Variants in OR56A1 observed in about 807,000 individuals in gnomAD.
The protein encoded by OR56A1 is olfactory receptor family 56 subfamily A member 1.
For missense variants in OR56A1, 360 were observed against 380.9 expected (o/e 0.94, Z 0.46); for synonymous variants, 174 against 159.1 (o/e 1.09, Z -0.70).
rs1848390808 is a variant in OR56A1 at position 6,021,055 on chromosome 11, A to T, written c.*5693T>A. Reference sequence around the variant, plus strand: ...GTCTGACAGCCTTAAAATAAACATCATTAAGTAGAAAAAGAGTGGCATGGA... The same window carrying T: ...GTCTGACAGCCTTAAAATAAACATCTTTAAGTAGAAAAAGAGTGGCATGGA... On this transcript the variant is annotated 3_prime_UTR_variant, in exon 2 of 2. Transcript: ENST00000641900. 1 of 152,126 alleles carries T rather than the reference A, an allele frequency of 6.6e-6. No individual in the cohort carries two copies. The highest frequency in any genetic ancestry group is 1.5e-5 in the Non-Finnish European group (1 of 67,968). 9.4% of individuals were successfully genotyped at this position (152,126 alleles called of 1,614,324 possible).
In OR56A1 at chr11:6,026,536, T is replaced by C. The variant is rs1047131901; in HGVS notation, c.*212A>G. On this transcript the variant is annotated 3_prime_UTR_variant, in exon 2 of 2. Transcript: ENST00000641900. ...AATTACTTAAATGTAACTGCCAAGG[T>C]TCAAAGCAGCCACTCAATAAATACG... The C allele has an allele frequency of 9.7e-6, 5 of 513,698 alleles. No individual in the cohort carries two copies. The highest frequency in any genetic ancestry group is 9.5e-5 in the African/African-American group (5 of 52,424). The allele number at this position is 513,698 out of a possible 1,614,324, so 31.8% of individuals were successfully genotyped here.
In OR56A1 at chr11:6,026,677, T is replaced by G; in HGVS notation, c.*71A>C. 1.1e-6 allele frequency: 1 copy of G among 940,022 alleles called. No individual in the cohort carries two copies. The highest frequency in any genetic ancestry group is 1.6e-5 in the South Asian group (1 of 63,524). The allele number at this position is 940,022 out of a possible 1,614,324, so 58.2% of individuals were successfully genotyped here. On this transcript the variant is annotated 3_prime_UTR_variant, in exon 2 of 2. Coordinates refer to ENST00000641900, the MANE Select transcript of OR56A1 (RefSeq NM_001388488.1). ...GCAATAAACACTCACTAACTGACAT[T>G]TCTCTACTTCGCTGCCTAGGTAAAA...
At chr11:6,030,482 G>A (rs1490995249) in intron 1 of OR56A1, among the ~76,000 whole-genome samples, 1 of 151,950 alleles carries the variant, frequency 6.6e-6, no homozygotes, top group African/African-American at 2.4e-5. Context: ...AAGGAAGGAA[G>A]GAAAAGGAAG....
At chr11:6,028,140 AT>A (rs1848475836) in intron 1 of OR56A1, among the ~76,000 whole-genome samples, 1 of 152,092 alleles carries the variant, frequency 6.6e-6, no homozygotes, top group Non-Finnish European at 1.5e-5. Flanking sequence ...TGAGATGGAT[AT>A]TTTTGTTACA....
At chr11:6,033,852 T>C (rs1170199257), upstream of OR56A1, among the ~76,000 whole-genome samples, 1 of 152,232 alleles carries the variant, frequency 6.6e-6, no homozygotes, top group East Asian at 1.9e-4. Context: ...AAACTGCTCT[T>C]CTGAGACAGA....
Position 6,027,735 on chromosome 11 carries a change from A to G in OR56A1, c.-34-9T>C. On this transcript the variant is annotated splice_polypyrimidine_tract_variant and intron_variant, in intron 1 of 1. Coordinates refer to ENST00000641900, the MANE Select transcript of OR56A1 (RefSeq NM_001388488.1). ...GAGTAGGCTTCTGATGACTATGTTTATGGGCAGATACAAGAGGTTATTTTT... is the reference window on the plus strand; with the variant it reads ...GAGTAGGCTTCTGATGACTATGTTTGTGGGCAGATACAAGAGGTTATTTTT... The G allele has an allele frequency of 7.0e-7, 1 of 1,424,280 alleles. No homozygotes were observed. Among genetic ancestry groups the G allele is most frequent in the South Asian group, 1.4e-5 (1 of 73,348 alleles). The allele number at this position is 1,424,280 out of a possible 1,614,324, so 88.2% of individuals were successfully genotyped here.
Position 6,019,635 on chromosome 11 carries a change from C to T in OR56A1, c.*7113G>A, listed in dbSNP as rs1187036888. The stretch of plus-strand genomic sequence containing the variant: ...AGATCTTATGAGATTCATTCACTAT[C>T]ATGAGAATTATGGGTGCAGGAAAGA... On this transcript the variant is annotated 3_prime_UTR_variant, in exon 2 of 2. Coordinates refer to ENST00000641900, the MANE Select transcript of OR56A1 (RefSeq NM_001388488.1). 2 of 152,026 alleles carry T rather than the reference C, an allele frequency of 1.3e-5. No individual in the cohort carries two copies. Among genetic ancestry groups the T allele is most frequent in the African/African-American group, 2.4e-5 (1 of 41,392 alleles). The allele number at this position is 152,026 out of a possible 1,614,324, so 9.4% of individuals were successfully genotyped here. A position where few individuals can be genotyped will look rare whatever the true frequency, so the allele number is the denominator to read the frequency against.
In OR56A1 at chr11:6,026,084, C is replaced by A. The variant is rs1442503475; in HGVS notation, c.*664G>T. The A allele has an allele frequency of 6.6e-6, 1 of 152,236 alleles. No individual in the cohort carries two copies. The highest frequency in any genetic ancestry group is 2.1e-4 in the South Asian group (1 of 4,836). The allele number at this position is 152,236 out of a possible 1,614,324, so 9.4% of individuals were successfully genotyped here. A position where few individuals can be genotyped will look rare whatever the true frequency, so the allele number is the denominator to read the frequency against. ...CTGTTTCCTACTCTCTTAGGGTCCC[C>A]TCTACCTGTCTGCATCCATCCTCAC... On this transcript the variant is annotated 3_prime_UTR_variant, in exon 2 of 2. Transcript: ENST00000641900.
At position 6,026,527 on chromosome 11, in the gene OR56A1, C is replaced by A. The variant is rs1360314146; in HGVS notation, c.*221G>T. The A allele has an allele frequency of 6.1e-6, 3 of 494,618 alleles. No individual in the cohort carries two copies. Among genetic ancestry groups the A allele is most frequent in the Non-Finnish European group, 1.1e-5 (3 of 282,466 alleles). 30.6% of individuals were successfully genotyped at this position (494,618 alleles called of 1,614,324 possible). ...TGAAGATTAAATTACTTAAATGTAA[C>A]TGCCAAGGTTCAAAGCAGCCACTCA... On this transcript the variant is annotated 3_prime_UTR_variant, in exon 2 of 2. Transcript: ENST00000641900.
chr11:6,026,152 A>T lies in OR56A1; in HGVS notation c.*596T>A, dbSNP rs1848445219. Reference sequence around the variant, plus strand: ...AGGTGATGAGGCTGTATAGGATAGAATAGAAAGCTGACATTGCTTTATATT... The same window carrying T: ...AGGTGATGAGGCTGTATAGGATAGATTAGAAAGCTGACATTGCTTTATATT... On this transcript the variant is annotated 3_prime_UTR_variant, in exon 2 of 2. Coordinates refer to ENST00000641900, the MANE Select transcript of OR56A1 (RefSeq NM_001388488.1). The T allele has an allele frequency of 1.3e-5, 2 of 153,024 alleles. No homozygotes were observed. Among genetic ancestry groups the T allele is most frequent in the South Asian group, 4.1e-4 (2 of 4,854 alleles). 9.5% of individuals were successfully genotyped at this position (153,024 alleles called of 1,614,324 possible).
At chr11:6,029,217 A>T (rs900811243) in intron 1 of OR56A1, among the ~76,000 whole-genome samples, 29 of 152,288 alleles carry the variant, frequency 1.9e-4, no homozygotes, top group African/African-American at 6.7e-4. Flanking sequence ...ATACCCTAAA[A>T]GCCCTGACTT....
rs538238013 is a variant in OR56A1 at position 6,022,801 on chromosome 11, C to T, written c.*3947G>A. The T allele has an allele frequency of 1.3e-5, 2 of 152,176 alleles. No homozygotes were observed. The highest frequency in any genetic ancestry group is 2.1e-4 in the South Asian group (1 of 4,820). 9.4% of individuals were successfully genotyped at this position (152,176 alleles called of 1,614,324 possible). A position where few individuals can be genotyped will look rare whatever the true frequency, so the allele number is the denominator to read the frequency against. ...CTGTATGTTCAGAGTGCTAATCACA[C>T]GTAAAGAACTCAATAACTAATTTTT... is the stretch of plus-strand genomic sequence containing the variant. On this transcript the variant is annotated 3_prime_UTR_variant, in exon 2 of 2. Transcript: ENST00000641900.
At chr11:6,031,848 T>A (rs917625727), upstream of OR56A1, among the ~76,000 whole-genome samples, 2 of 152,014 alleles carry the variant, frequency 1.3e-5, no homozygotes, top group African/African-American at 4.8e-5. Context: ...AGAGTTGGAA[T>A]AGCACAAGGC....
rs751508543 is a variant in OR56A1, at chr11:6,026,764, A to C, written c.929T>G (p.Leu310Arg). ...KEIKQGIQKL[L>R]QRGR ...TTTACATATTCACCTCCCTCTCTGC[A>C]GTAACTTCTGAATTCCCTGTTTTAT... The change falls in exon 2 of 2, where the codon CTG becomes CGG. Residue 310 changes from leucine (L) to arginine (R), a missense_variant. Transcript: ENST00000641900. The C allele has an allele frequency of 6.3e-7, 1 of 1,596,010 alleles. No individual in the cohort carries two copies. Among genetic ancestry groups the C allele is most frequent in the South Asian group, 1.1e-5 (1 of 88,638 alleles).
rs1848397227 is a variant in OR56A1, at chr11:6,021,623, T to C, written c.*5125A>G. 6.6e-6 allele frequency: 1 copy of C among 152,050 alleles called. No individual in the cohort carries two copies. Among genetic ancestry groups the C allele is most frequent in the Admixed American group, 6.6e-5 (1 of 15,254 alleles). The allele number at this position is 152,050 out of a possible 1,614,324, so 9.4% of individuals were successfully genotyped here. On this transcript the variant is annotated 3_prime_UTR_variant, in exon 2 of 2. Transcript: ENST00000641900. ...CAGTGTCACTCCAAAAGAAGTCACA[T>C]TGTTCGATGCCTGCTTCATTTAGGA...
At position 6,027,809 on chromosome 11, in the gene OR56A1, A is replaced by G. The variant is rs1848472110; in HGVS notation, c.-34-83T>C. 1.1e-5 allele frequency: 9 copies of G among 854,334 alleles called. No homozygotes were observed. The East Asian group carries it at 1.7e-4, about 16-fold the overall frequency. 52.9% of individuals were successfully genotyped at this position (854,334 alleles called of 1,614,324 possible). Reference sequence around the variant, plus strand: ...CTTTCACTTACTCTTTAGGAAGCCAATGATAGGTAGTTCACTTTTGCCAAG... The same window carrying G: ...CTTTCACTTACTCTTTAGGAAGCCAGTGATAGGTAGTTCACTTTTGCCAAG... On this transcript the variant is annotated intron_variant, in intron 1 of 1. Transcript: ENST00000641900.
chr11:6,030,142 C>G (rs1564817148), intron 1 of OR56A1, among the ~76,000 whole-genome samples: 1 of 152,148 alleles, frequency 6.6e-6, no homozygotes, highest in African/African-American at 2.4e-5. Flanking sequence ...ATCCACTTCT[C>G]CATATCCACT....
At chr11:6,030,848 T>C (rs1026938458), upstream of OR56A1, 1 of 144,542 alleles carries the variant, frequency 6.9e-6, no homozygotes, top group African/African-American at 2.5e-5. Context: ...TACATTTATA[T>C]GATAAGTTGC....
rs1379269586 is a variant in OR56A1 at position 6,024,428 on chromosome 11, C to G, written c.*2320G>C. 1 of 152,198 alleles carries G rather than the reference C, an allele frequency of 6.6e-6. No homozygotes were observed. The highest frequency in any genetic ancestry group is 1.5e-5 in the Non-Finnish European group (1 of 68,036). The allele number at this position is 152,198 out of a possible 1,614,324, so 9.4% of individuals were successfully genotyped here. On this transcript the variant is annotated 3_prime_UTR_variant, in exon 2 of 2. Coordinates refer to ENST00000641900, the MANE Select transcript of OR56A1 (RefSeq NM_001388488.1). ...TTTTGGCCAAATAACATAGACTCCT[C>G]TTTGAGTTCATTCTGGGCTTGCTTC...
Sources: allele counts gnomAD v4.1 joint callset (sites outside exome capture counted in the v4.1 genomes callset), GRCh38; gene constraint gnomAD v4.1.1; transcripts MANE v1.5; gene names NCBI Gene and HGNC (gene_info 2026-07-23, HGNC 2026-07-21).